Variants in ZBTB38 observed in about 807,000 individuals in gnomAD.
ZBTB38 encodes the protein zinc finger and BTB domain-containing protein 38.
A neutral mutation model predicts 76.8 loss-of-function variants in ZBTB38; 20 were observed. The ratio of observed to expected loss-of-function variants is 0.26; its 90% CI spans 0.18 to 0.38. The LOEUF is 0.38. ZBTB38 is among the 10% of genes least tolerant of loss of function. The pLI, the probability that ZBTB38 is intolerant of heterozygous loss-of-function variation, is 1.00. For synonymous variants in ZBTB38, 504 were observed against 544.2 expected (o/e 0.93, Z 1.03); for missense variants, 1,082 against 1,482.3 (o/e 0.73, Z 4.43).
chr3:141,431,544 A>G (rs2077612555), intron 5 of ZBTB38, among the ~76,000 whole-genome samples: 1 of 151,820 alleles, frequency 6.6e-6, no homozygotes, highest in Admixed American at 6.6e-5. Flanking sequence ...CTGCATTTCA[A>G]AAAGAAAAAA....
chr3:141,387,347 C>T lies in ZBTB38; in HGVS notation c.-106+410C>T, dbSNP rs1947392175. ...TACCAGATGGTGTCTCTCCTTTCTT[C>T]GTGCATTTGCTGTCTTTTAAATAAT... is the stretch of plus-strand genomic sequence containing the variant. On this transcript the variant is annotated intron_variant, in intron 4 of 5. Transcript: ENST00000321464. The T allele has an allele frequency of 2.0e-5, 3 of 151,992 alleles. 1 individual carries two copies. Among genetic ancestry groups the T allele is most frequent in the South Asian group, 4.1e-4 (2 of 4,830 alleles). The allele number at this position is 151,992 out of a possible 1,614,324, so 9.4% of individuals were successfully genotyped here.
At chr3:141,345,573 A>G (rs567090042) in intron 1 of ZBTB38, among the ~76,000 whole-genome samples, 1 of 152,262 alleles carries the variant, frequency 6.6e-6, no homozygotes, top group East Asian at 1.9e-4. Context: ...TATTTTATGT[A>G]AACTAATTAT....
At chr3:141,384,163 A>G in intron 3 of ZBTB38, among the ~76,000 whole-genome samples, 1 of 152,218 alleles carries the variant, frequency 6.6e-6, no homozygotes, top group East Asian at 1.9e-4. Flanking sequence ...AAAATAAACC[A>G]ATACATGGCT....
intron 4 of ZBTB38, among the ~76,000 whole-genome samples, chr3:141,397,448 T>A (rs1950601378): frequency 6.6e-6 from 1 of 152,228 alleles, no homozygotes; most frequent in African/African-American, 2.4e-5. Flanking sequence ...CATTTCCGTG[T>A]TCATTGGAGT....
intron 1 of ZBTB38, among the ~76,000 whole-genome samples, chr3:141,326,359 T>A (rs995788749): frequency 1.3e-5 from 2 of 152,190 alleles, no homozygotes; most frequent in Non-Finnish European, 2.9e-5. Context: ...AAACAGTTAA[T>A]GTGCTTTGCC....
intron 1 of ZBTB38, among the ~76,000 whole-genome samples, chr3:141,340,206 G>C (rs538157712): frequency 6.6e-6 from 1 of 152,290 alleles, no homozygotes; most frequent in East Asian, 1.9e-4. Flanking sequence ...TTAAAACCTA[G>C]TGTTTAAAAA....
Position 141,444,997 on chromosome 3 carries a change from T to C in ZBTB38, c.2609T>C (p.Met870Thr), listed in dbSNP as rs368816463. The C allele has an allele frequency of 5.6e-6, 9 of 1,614,188 alleles. No homozygotes were observed. Among genetic ancestry groups the C allele is most frequent in the African/African-American group, 5.3e-5 (4 of 75,050 alleles). ...AGAGGGAGAAGACCCAAGTATCAGA[T>C]GCAGGAGGAGCCTTTGCCACAGGGG... The part of the protein sequence containing the change: ...YKRGRRPKYQ[M>T]QEEPLPQGND... The change falls in exon 6 of 6, where the codon ATG (methionine) becomes ACG (threonine). Residue 870 changes from methionine to threonine, a missense_variant. Physicochemically the swap from Met to Thr is moderately conservative, Grantham distance 81. This residue lies in a region of ZBTB38 where 471 missense variants were observed against 581.0 expected (regional missense o/e 0.81). Transcript: ENST00000321464. This position sits in a 1 kb window ranked among gnomAD's most constrained non-coding sequence, Gnocchi z 5.1.
chr3:141,389,692 C>T (rs953054895), intron 4 of ZBTB38: 4 of 152,166 alleles, frequency 2.6e-5, no homozygotes, highest in African/African-American at 9.7e-5. Flanking sequence ...AATTAAAACA[C>T]TACTGCTAGT....
At chr3:141,345,395 C>T (rs571380612) in intron 1 of ZBTB38, among the ~76,000 whole-genome samples, 5 of 152,142 alleles carry the variant, frequency 3.3e-5, no homozygotes, top group Middle Eastern at 3.4e-3. Context: ...TGTTGGACTA[C>T]ATGCTGGGAA....
chr3:141,443,331 GATGTCC>G lies in ZBTB38; in HGVS notation c.946_951del (p.Val316_His317del). On this transcript the variant is annotated inframe_deletion, in exon 6 of 6. Transcript: ENST00000321464. The surrounding 1 kb of genome is among the most constrained non-coding windows in gnomAD (Gnocchi z 5.6). ...TTCAAAATCTCCAAACAATGAAGGAGATGTCCATTTTTCCAGGGAAGATGAAAATCA... is the reference window on the plus strand; with the variant it reads ...TTCAAAATCTCCAAACAATGAAGGAGATTTTTCCAGGGAAGATGAAAATCA... 3 of 1,614,206 alleles carry G rather than the reference GATGTCC, an allele frequency of 1.9e-6. No homozygotes were observed. The highest frequency in any genetic ancestry group is 2.5e-6 in the Non-Finnish European group (3 of 1,180,040).
At chr3:141,381,869 C>T (rs1297547283) in intron 3 of ZBTB38, among the ~76,000 whole-genome samples, 1 of 152,014 alleles carries the variant, frequency 6.6e-6, no homozygotes, top group Non-Finnish European at 1.5e-5. Flanking sequence ...CTGGAAGGGA[C>T]CTGAGACAGA....
At chr3:141,418,705 A>G (rs539575275) in intron 5 of ZBTB38, among the ~76,000 whole-genome samples, 105 of 152,394 alleles carry the variant, frequency 6.9e-4, no homozygotes, top group African/African-American at 2.4e-3. Flanking sequence ...TAGTGAAAGC[A>G]TTGAAAATGT....
chr3:141,355,894 G>A (rs1943645894), intron 1 of ZBTB38, among the ~76,000 whole-genome samples: 1 of 152,098 alleles, frequency 6.6e-6, no homozygotes, highest in Non-Finnish European at 1.5e-5. Flanking sequence ...AAGCACAAAG[G>A]GCTATTTCTT....
rs117780177 is a variant in ZBTB38 at position 141,420,777 on chromosome 3, A to C, written c.-1+16746A>C. On this transcript the variant is annotated intron_variant, in intron 5 of 5. Coordinates refer to ENST00000321464, the MANE Select transcript of ZBTB38 (RefSeq NM_001376113.1). ...AGTCATCACCGTCCTGAACTTACTG[A>C]AAGTTTCTAGAGCAGGAATCAGTAG... Among the ~76,000 whole-genome samples the C allele has an allele frequency of 4.9e-4, 75 of 152,320 alleles. No homozygotes were observed. The East Asian group carries it at 0.013, about 26-fold the overall frequency.
chr3:141,350,563 G>C (rs1423043651), intron 1 of ZBTB38, among the ~76,000 whole-genome samples: 2 of 152,102 alleles, frequency 1.3e-5, no homozygotes, highest in African/African-American at 4.8e-5. Context: ...TAAATTGCTT[G>C]GAGTCTACAT....
intron 5 of ZBTB38, among the ~76,000 whole-genome samples, chr3:141,441,560 G>T (rs183275628): frequency 2.8e-4 from 43 of 152,320 alleles, no homozygotes; most frequent in African/African-American, 9.1e-4. Context: ...AGAGGCGGGG[G>T]TGCCCCTGGT....
intron 3 of ZBTB38, among the ~76,000 whole-genome samples, chr3:141,381,775 C>CAGG (rs1256543302): frequency 6.6e-6 from 1 of 152,094 alleles, no homozygotes; most frequent in Non-Finnish European, 1.5e-5. Context: ...CACCAGAAGA[C>CAGG]AGGAGACTTG....
intron 5 of ZBTB38, among the ~76,000 whole-genome samples, chr3:141,440,228 G>C (rs1559961914): frequency 6.6e-6 from 1 of 152,202 alleles, no homozygotes; most frequent in Non-Finnish European, 1.5e-5. Context: ...ATAAAAGTTA[G>C]TTCTGAGCTT....
In ZBTB38 at chr3:141,442,069, TTTCAGAAAAAAAA is replaced by T. The variant is rs944761111; in HGVS notation, c.1-319_1-307del. Among the ~76,000 whole-genome samples the T allele has an allele frequency of 1.7e-4, 25 of 148,776 alleles. No homozygotes were observed. The highest frequency in any genetic ancestry group is 5.6e-4 in the African/African-American group (23 of 40,794). ...TTGAATGATGATGAGACCCTTAACATTTCAGAAAAAAAAAAAAAACCTCCTCCCCTCCCAAATT... is the reference window on the plus strand; with the variant it reads ...TTGAATGATGATGAGACCCTTAACATAAAAAACCTCCTCCCCTCCCAAATT... On this transcript the variant is annotated intron_variant, in intron 5 of 5. Transcript: ENST00000321464. The surrounding 1 kb of genome is among the most constrained non-coding windows in gnomAD (Gnocchi z 6.4).
Sources: gnomAD v4.1 joint callset for allele counts (sites outside exome capture counted in the v4.1 genomes callset) on GRCh38, gnomAD v4.1.1 for gene constraint, gnomAD v4.1.1 regional missense constraint, Gnocchi (gnomAD v3.1) non-coding constraint, MANE v1.5 for transcripts, NCBI Gene and HGNC (gene_info 2026-07-23, HGNC 2026-07-21) for gene names.